Variants in ARHGEF2 observed in about 807,000 individuals in gnomAD.
ARHGEF2 encodes the protein rho guanine nucleotide exchange factor 2.
Under a neutral mutation model 121.0 loss-of-function variants are expected in ARHGEF2, and 22 were observed. The ratio of observed to expected loss-of-function variants is 0.18; its 90% CI spans 0.13 to 0.26. The LOEUF (loss-of-function observed/expected upper bound fraction) is 0.26. Among genes scored for constraint, ARHGEF2 ranks in the 10% least tolerant of loss-of-function variants. ARHGEF2 has a pLI of 1.00. For missense variants in ARHGEF2, 907 were observed against 1,336.0 expected, an observed-to-expected ratio of 0.68 and a Z score of 5.01; for synonymous variants, 487 against 530.0, an observed-to-expected ratio of 0.92 and a Z score of 1.11.
intron 15 of ARHGEF2, 31 bp from the exon 16 acceptor site, chr1:155,952,266 GA>G: frequency 6.2e-7 from 1 of 1,612,644 alleles, no homozygotes; most frequent in Non-Finnish European, 8.5e-7. Context: ...GTGAGAACAG[GA>G]ATGACACAGG....
Position 155,951,086 on chromosome 1 carries a change from C to T in ARHGEF2, c.2446G>A (p.Glu816Lys). ...AGCCGCCGGCAGCGCCGTAGCTCCT[C>T]CTGCAGCAGCGCATGTTGCCGCTGC... ...LLQRQHALLQ[E>K]ELRRCRRLGE... is the part of the protein sequence containing the mutation. Residue 816 changes from glutamate to lysine, a missense_variant, in exon 20 of 22, where the codon GAG becomes AAG. Coordinates refer to ENST00000361247, the MANE Select transcript of ARHGEF2 (RefSeq NM_001162383.2). This position sits in a 1 kb window ranked among gnomAD's most constrained non-coding sequence, Gnocchi z 5.1. The T allele has an allele frequency of 6.2e-7, 1 of 1,601,636 alleles. No individual in the cohort carries two copies. The highest frequency in any genetic ancestry group is 1.1e-5 in the South Asian group (1 of 89,932).
At chr1:155,964,907 AAAG>A in intron 7 of ARHGEF2, 78 bp downstream of exon 7, 2 of 1,478,708 alleles carry the variant, frequency 1.4e-6, no homozygotes, top group Admixed American at 2.3e-5. Flanking sequence ...AAAAAAAAAA[AAAG>A]AAAAAGAAAA....
Position 155,962,168 on chromosome 1 carries a change from G to T in ARHGEF2, c.1156C>A (p.Leu386Met). Residue 386 changes from leucine to methionine, a missense_variant, in exon 10 of 22, where the codon CTG (leucine) becomes ATG (methionine). Physicochemically the swap from Leu to Met is conservative, Grantham distance 15. Around this residue, in one of 2 missense-constraint regions of ARHGEF2, gnomAD observed 475 missense variants for 776.5 expected, o/e 0.61. Transcript: ENST00000361247. This position sits in a 1 kb window ranked among gnomAD's most constrained non-coding sequence, Gnocchi z 5.8. ...KRHGVQECILLVTQRITKYPL... is the reference protein window; with the variant it reads ...KRHGVQECILMVTQRITKYPL... ...TACTTGGTGATGCGCTGAGTCACCAGCAGGATGCACTCCTGTACCCCGTGC... is the reference window on the plus strand; with the variant it reads ...TACTTGGTGATGCGCTGAGTCACCATCAGGATGCACTCCTGTACCCCGTGC... 1 of 1,614,178 alleles carries T rather than the reference G, an allele frequency of 6.2e-7. No homozygotes were observed. Among genetic ancestry groups the T allele is most frequent in the Non-Finnish European group, 8.5e-7 (1 of 1,180,040 alleles).
intron 13 of ARHGEF2, among the ~76,000 whole-genome samples, chr1:155,955,498 A>T (rs1676478483): frequency 6.6e-6 from 1 of 152,164 alleles, no homozygotes. Context: ...AAGGCAGCAC[A>T]GTGCAGAGGG....
chr1:155,948,127 G>C, intron 21 of ARHGEF2, 112 bp from the exon 22 acceptor site: 1 of 767,280 alleles, frequency 1.3e-6, no homozygotes, highest in South Asian at 2.1e-5. Flanking sequence ...GGGCTGTGAA[G>C]GGATGACAGG....
chr1:155,949,604 C>T (rs932636768), intron 21 of ARHGEF2, among the ~76,000 whole-genome samples: 1 of 150,696 alleles, frequency 6.6e-6, no homozygotes. Context: ...TTTAGCCAGG[C>T]GTGGTGGCTC....
chr1:155,957,908 T>A, intron 12 of ARHGEF2, 26 bp from the exon 13 acceptor site: 1 of 1,608,616 alleles, frequency 6.2e-7, no homozygotes, highest in Middle Eastern at 1.7e-4. Flanking sequence ...AAGGAAGGAT[T>A]AAGCCTGGGA....
At chr1:155,978,828 G>A (rs551449858), upstream of ARHGEF2, 125 of 977,374 alleles carry the variant, frequency 1.3e-4, no homozygotes, top group African/African-American at 1.9e-3. This position sits in a 1 kb window ranked among gnomAD's most constrained non-coding sequence, Gnocchi z 4.1. Flanking sequence ...AGCCCTCGCC[G>A]GACCCAGGTT....
At chr1:155,973,605 G>A (rs1680829172) in intron 1 of ARHGEF2, among the ~76,000 whole-genome samples, 1 of 152,134 alleles carries the variant, frequency 6.6e-6, no homozygotes, top group Non-Finnish European at 1.5e-5. Context: ...AATTGGCCGG[G>A]TATGGTGGTG....
intron 21 of ARHGEF2, among the ~76,000 whole-genome samples, 194 bp from the exon 22 acceptor site, chr1:155,948,209 G>C (rs921619816): frequency 6.6e-6 from 1 of 152,176 alleles, no homozygotes; most frequent in Non-Finnish European, 1.5e-5. Context: ...CCTAGGTACC[G>C]GATACACTTT....
intron 1 of ARHGEF2, chr1:155,970,687 T>TGGAGGAGG: frequency 1.0e-6 from 1 of 985,550 alleles, no homozygotes; most frequent in Non-Finnish European, 1.2e-6. Flanking sequence ...AGCTGAGAGG[T>TGGAGGAGG]GGAGGAGGGG....
chr1:155,971,355 A>T, intron 1 of ARHGEF2, among the ~76,000 whole-genome samples: 1 of 151,924 alleles, frequency 6.6e-6, no homozygotes, highest in East Asian at 1.9e-4. Context: ...AGGCGGGTGG[A>T]TTACCTGAGG....
At chr1:155,973,733 G>A (rs1477571531) in intron 1 of ARHGEF2, among the ~76,000 whole-genome samples, 6 of 150,734 alleles carry the variant, frequency 4.0e-5, no homozygotes, top group Non-Finnish European at 7.4e-5. Flanking sequence ...GTGACAGAGC[G>A]AGACTCTGTC....
Position 155,951,402 on chromosome 1 carries a change from T to C in ARHGEF2, c.2259+81A>G. 1.3e-6 allele frequency: 2 copies of C among 1,597,220 alleles called. No individual in the cohort carries two copies. The highest frequency in any genetic ancestry group is 1.7e-5 in the Admixed American group (1 of 59,802). On this transcript the variant is annotated intron_variant, in intron 19 of 21. Coordinates refer to ENST00000361247, the MANE Select transcript of ARHGEF2 (RefSeq NM_001162383.2). The surrounding 1 kb of genome is among the most constrained non-coding windows in gnomAD (Gnocchi z 5.1). ...TTGGGAGGGTATTTAGAAAGGCCTG[T>C]TGGGATGACCATGCCCCACCTAAAC...
chr1:155,963,601 C>T (rs1678428269), intron 7 of ARHGEF2, among the ~76,000 whole-genome samples: 2 of 151,452 alleles, frequency 1.3e-5, no homozygotes, highest in African/African-American at 4.8e-5. Flanking sequence ...ACCTCGGCCT[C>T]CCAAAGTGCT....
rs1401513206 is a variant in ARHGEF2, at chr1:155,977,746, G to A, written c.63+619C>T. On this transcript the variant is annotated intron_variant, in intron 1 of 21. Coordinates refer to ENST00000361247, the MANE Select transcript of ARHGEF2 (RefSeq NM_001162383.2). ...GGGGGAAGTAAGCCGTCCCTCGGCC[G>A]TCCCGACCCCAGCCACCCGCCCACC... Among the ~76,000 whole-genome samples, 3 of 152,310 alleles carry A rather than the reference G, an allele frequency of 2.0e-5. No individual in the cohort carries two copies. In the East Asian group the frequency reaches 5.8e-4, roughly 29 times the overall value.
Position 155,973,987 on chromosome 1 carries a change from T to C in ARHGEF2, c.63+4378A>G, listed in dbSNP as rs186772102. Among the ~76,000 whole-genome samples the C allele has an allele frequency of 1.4e-3, 218 of 150,874 alleles. 2 individuals carry two copies. Among genetic ancestry groups the C allele is most frequent in the African/African-American group, 5.0e-3 (204 of 41,108 alleles). On this transcript the variant is annotated intron_variant, in intron 1 of 21. Transcript: ENST00000361247. ...GCCAGGCAGATCCACCCAGGCGAGG[T>C]AGAGCTTCTCCAAGCAAGCCCTAAG...
upstream of ARHGEF2, chr1:155,978,812 C>G (rs565966878): frequency 1.0e-6 from 1 of 957,026 alleles, no homozygotes; most frequent in South Asian, 4.8e-5. The surrounding 1 kb of genome is among the most constrained non-coding windows in gnomAD (Gnocchi z 4.1). Context: ...TAAAACCCAG[C>G]CCCGCAGCCC....
chr1:155,967,515 C>T (rs891859814), intron 2 of ARHGEF2, among the ~76,000 whole-genome samples: 3 of 152,118 alleles, frequency 2.0e-5, no homozygotes, highest in East Asian at 1.9e-4. Context: ...CTCCTTCCCT[C>T]GCACCACATG....
Sources: gnomAD v4.1 joint callset for allele counts (sites outside exome capture counted in the v4.1 genomes callset) on GRCh38, gnomAD v4.1.1 for gene constraint, gnomAD v4.1.1 regional missense constraint, Gnocchi (gnomAD v3.1) non-coding constraint, MANE v1.5 for transcripts, NCBI Gene and HGNC (gene_info 2026-07-23, HGNC 2026-07-21) for gene names.